The following CES4A variants were observed in gnomAD, a reference collection of about 807,000 sequenced individuals.
CES4A encodes the protein carboxylesterase 6.
A neutral mutation model predicts 65.4 loss-of-function variants in CES4A; 48 were observed. The observed-to-expected ratio is 0.73, with a 90% CI of 0.58 to 0.93. The LOEUF (loss-of-function observed/expected upper bound fraction) is 0.93, where lower values mean the gene tolerates loss of function less well. CES4A is among the 40% of genes least tolerant of loss of function. The pLI, the probability that CES4A is intolerant of heterozygous loss-of-function variation, is 0.00. For missense variants in CES4A, 685 were observed against 728.5 expected (o/e 0.94, Z 0.69); for synonymous variants, 247 against 281.8 (o/e 0.88, Z 1.24).
chr16:66,996,909 A>T (rs1003114425), intron 2 of CES4A, among the ~76,000 whole-genome samples: 3 of 152,086 alleles, frequency 2.0e-5, no homozygotes, highest in Non-Finnish European at 2.9e-5. Flanking sequence ...TTAAAAAAAT[A>T]TCTGGGGGTG....
chr16:67,005,838 G>T, intron 11 of CES4A: 1 of 170,972 alleles, frequency 5.8e-6, no homozygotes, highest in Non-Finnish European at 1.2e-5. Context: ...AACAGAGCGA[G>T]ACTCCATCTC....
chr16:66,997,459 C>T (rs1964945727), intron 2 of CES4A, among the ~76,000 whole-genome samples: 1 of 151,992 alleles, frequency 6.6e-6, no homozygotes, highest in African/African-American at 2.4e-5. Flanking sequence ...GTAGTTTCTG[C>T]CTGGGTAGTT....
At chr16:66,996,848 G>T (rs770804158) in intron 2 of CES4A, among the ~76,000 whole-genome samples, 6 of 152,100 alleles carry the variant, frequency 3.9e-5, no homozygotes, top group Non-Finnish European at 5.9e-5. Context: ...GAACCCAGGA[G>T]TTCAAGACCA....
In CES4A at chr16:67,001,582, A is replaced by G; in HGVS notation, c.690+121A>G. The G allele has an allele frequency of 8.3e-7, 1 of 1,204,054 alleles. No homozygotes were observed. The highest frequency in any genetic ancestry group is 1.1e-6 in the Non-Finnish European group (1 of 873,368). 74.6% of individuals were successfully genotyped at this position (1,204,054 alleles called of 1,614,324 possible). On this transcript the variant is annotated intron_variant, in intron 5 of 13. Coordinates refer to ENST00000648724, the Ensembl canonical transcript of CES4A. This position sits in a 1 kb window ranked among gnomAD's most constrained non-coding sequence, Gnocchi z 4.1. ...GTACAGGAACGTGCCTGCCACAGAA[A>G]TGCTCTCGCCCCTGCCAAGGGTACA...
chr16:66,994,252 T>TTTATTTATTTATTTA, intron 1 of CES4A, among the ~76,000 whole-genome samples: 1 of 104,080 alleles, frequency 9.6e-6, no homozygotes, highest in African/African-American at 7.7e-5. Context: ...TTATTTATTT[T>TTTATTTATTTATTTA]TTGAGATGGA....
At chr16:66,995,342 T>A (rs906444063) in intron 1 of CES4A, among the ~76,000 whole-genome samples, 355 of 148,982 alleles carry the variant, frequency 2.4e-3, no homozygotes, top group African/African-American at 8.6e-3. Context: ...TAAATAAATA[T>A]AAATAAATAA....
chr16:66,998,684 T>C (rs1267528547), intron 2 of CES4A, among the ~76,000 whole-genome samples: 1 of 151,992 alleles, frequency 6.6e-6, no homozygotes, highest in African/African-American at 2.4e-5. Flanking sequence ...CTGACCAACA[T>C]GGCGAAACCC....
In CES4A at chr16:67,000,564, G is replaced by A; in HGVS notation, c.261-74G>A. On this transcript the variant is annotated intron_variant, in intron 2 of 13. Transcript: ENST00000648724. This position sits in a 1 kb window ranked among gnomAD's most constrained non-coding sequence, Gnocchi z 4.2. ...AGACGCTGCCTGGATTTTGCTTTGG[G>A]TTCCGTCTTCTCACTGCGGACCCTG... The A allele has an allele frequency of 6.7e-7, 1 of 1,494,344 alleles. No homozygotes were observed. The allele number at this position is 1,494,344 out of a possible 1,614,324, so 92.6% of individuals were successfully genotyped here. A position where few individuals can be genotyped will look rare whatever the true frequency, so the allele number is the denominator to read the frequency against.
chr16:66,991,074 G>T (rs2145571143), intron 1 of CES4A, among the ~76,000 whole-genome samples: 1 of 152,072 alleles, frequency 6.6e-6, no homozygotes, highest in South Asian at 2.1e-4. Context: ...TCCCAGGCTG[G>T]AGCACAGTGA....
chr16:67,003,127 G>A lies in CES4A; in HGVS notation c.748G>A (p.Ala250Thr), dbSNP rs751214510. The change falls in exon 6 of 14, where the codon GCG becomes ACG. Residue 250 changes from alanine (A) to threonine (T), a missense_variant. Transcript: ENST00000648724. The surrounding 1 kb of genome is among the most constrained non-coding windows in gnomAD (Gnocchi z 4.2). Reference sequence around the variant, plus strand: ...TCGGGCCATTTCCCAGAGTGGCACCGCGTTATTCAGACTTTTCATCACTAG... The same window carrying A: ...TCGGGCCATTTCCCAGAGTGGCACCACGTTATTCAGACTTTTCATCACTAG... The A allele has an allele frequency of 1.9e-5, 30 of 1,614,126 alleles. No homozygotes were observed. The highest frequency in any genetic ancestry group is 5.5e-5 in the South Asian group (5 of 91,080).
At chr16:67,006,855 G>T in intron 13 of CES4A, 38 bp downstream of exon 13, 1 of 1,590,356 alleles carries the variant, frequency 6.3e-7, no homozygotes, top group Non-Finnish European at 8.6e-7. Flanking sequence ...CATTCTACCT[G>T]CCCAGTGCTG....
At chr16:67,004,001 A>G in intron 8 of CES4A, 83 bp from the exon 9 acceptor site, 1 of 1,414,420 alleles carries the variant, frequency 7.1e-7, no homozygotes, top group Non-Finnish European at 9.9e-7. Context: ...AGGCTAGAGC[A>G]GCCTCTGAAG....
chr16:67,005,180 G>A, intron 10 of CES4A, 60 bp from the exon 11 acceptor site: 1 of 1,564,340 alleles, frequency 6.4e-7, no homozygotes, highest in Non-Finnish European at 8.8e-7. Context: ...AGTCACTGGT[G>A]GGCCCACCTC....
chr16:67,001,221 G>C lies in CES4A; in HGVS notation c.537-87G>C, dbSNP rs1384066422. On this transcript the variant is annotated intron_variant, in intron 4 of 13. Coordinates refer to ENST00000648724, the Ensembl canonical transcript of CES4A. This position sits in a 1 kb window ranked among gnomAD's most constrained non-coding sequence, Gnocchi z 4.1. Reference sequence around the variant, plus strand: ...ACTGGGTCTTAGAGGGGCAAGGCTGGGCTGGGTGGGGGAAGCCCAGGAGGG... The same window carrying C: ...ACTGGGTCTTAGAGGGGCAAGGCTGCGCTGGGTGGGGGAAGCCCAGGAGGG... 3.4e-6 allele frequency: 5 copies of C among 1,462,374 alleles called. No homozygotes were observed. The highest frequency in any genetic ancestry group is 1.4e-5 in the African/African-American group (1 of 70,986). The allele number at this position is 1,462,374 out of a possible 1,614,324, so 90.6% of individuals were successfully genotyped here.
rs2145682369 is a variant in CES4A, at chr16:67,009,055, AGT to A, written c.1601_1602del (p.Val534GlyfsTer22). ...ACCTGCAGCTGGATTTTACCACAAG[AGT>A]GGGCATGAAGCTCAAGGAGAAGAAG... On this transcript the variant is annotated frameshift_variant, in exon 14 of 14. Transcript: ENST00000648724. LOFTEE classifies it low-confidence loss of function (END_TRUNC). 1 of 1,614,204 alleles carries A rather than the reference AGT, an allele frequency of 6.2e-7. No homozygotes were observed. The highest frequency in any genetic ancestry group is 2.2e-5 in the East Asian group (1 of 44,880).
At chr16:67,002,387 C>T (rs1042364219) in intron 5 of CES4A, among the ~76,000 whole-genome samples, 1 of 152,042 alleles carries the variant, frequency 6.6e-6, no homozygotes, top group Non-Finnish European at 1.5e-5. Flanking sequence ...AGCAGAGACT[C>T]GGAGAGCTAC....
At chr16:67,002,884 G>C (rs558292596) in intron 5 of CES4A, among the ~76,000 whole-genome samples, 186 bp from the exon 6 acceptor site, 1 of 152,172 alleles carries the variant, frequency 6.6e-6, no homozygotes, top group African/African-American at 2.4e-5. Context: ...CCACTGTACA[G>C]ACCAGAGGCA....
Position 67,004,093 on chromosome 16 carries a change from TCCATGAGCCCTGTG to T in CES4A, c.950_963del (p.Ser317CysfsTer9). Reference sequence around the variant, plus strand: ...GCCCTTTGCCTTGTAGATTATCTGGTCCATGAGCCCTGTGGTGGATGGTGTGGTGATCCCAGATG... The same window carrying T: ...GCCCTTTGCCTTGTAGATTATCTGGTGTGGATGGTGTGGTGATCCCAGATG... On this transcript the variant is annotated frameshift_variant, in exon 9 of 14. Transcript: ENST00000648724. LOFTEE classifies it high-confidence loss of function. 1 of 1,614,042 alleles carries T rather than the reference TCCATGAGCCCTGTG, an allele frequency of 6.2e-7. No homozygotes were observed. The highest frequency in any genetic ancestry group is 8.5e-7 in the Non-Finnish European group (1 of 1,179,992).
In CES4A at chr16:67,001,370, G is replaced by A; in HGVS notation, c.599G>A (p.Trp200Ter). The change falls in exon 5 of 14, where the codon TGG becomes TAG. Residue 200 changes from tryptophan to a stop codon, truncating the protein, a stop_gained. Coordinates refer to ENST00000648724, the Ensembl canonical transcript of CES4A. LOFTEE classifies it high-confidence loss of function. The surrounding 1 kb of genome is among the most constrained non-coding windows in gnomAD (Gnocchi z 4.1). ...CTGGACCAGATGGCGGCTCTGCGCT[G>A]GGTGCAGGAGAACATCGCAGCCTTC... 2 of 1,613,692 alleles carry A rather than the reference G, an allele frequency of 1.2e-6. No homozygotes were observed. Among genetic ancestry groups the A allele is most frequent in the Non-Finnish European group, 1.7e-6 (2 of 1,179,934 alleles).
Sources: allele counts gnomAD v4.1 joint callset (sites outside exome capture counted in the v4.1 genomes callset), GRCh38; gene constraint gnomAD v4.1.1; non-coding constraint Gnocchi (gnomAD v3.1); transcripts MANE v1.5; gene names NCBI Gene and HGNC (gene_info 2026-07-23, HGNC 2026-07-21).